Variants in KCTD20 observed in about 807,000 individuals in gnomAD.
KCTD20 encodes the protein potassium channel tetramerization domain containing 20.
Under a neutral mutation model 39.6 loss-of-function variants are expected in KCTD20, and 30 were observed. That is an observed-to-expected ratio of 0.76 (90% CI 0.57 to 1.03). The LOEUF (loss-of-function observed/expected upper bound fraction) is 1.03. Among genes scored for constraint, KCTD20 ranks in the 50% least tolerant of loss-of-function variants. The probability of loss-of-function intolerance (pLI) is 0.00; values close to 1 mark genes in which losing one functional copy is unlikely to be tolerated. For missense variants in KCTD20, 422 were observed against 522.0 expected, an observed-to-expected ratio of 0.81 and a Z score of 1.87; for synonymous variants, 162 against 180.6, an observed-to-expected ratio of 0.90 and a Z score of 0.83.
intron 1 of KCTD20, among the ~76,000 whole-genome samples, chr6:36,457,275 C>T (rs1223871255): frequency 6.6e-6 from 1 of 152,180 alleles, no homozygotes; most frequent in East Asian, 1.9e-4. Context: ...TCCTTTAAAT[C>T]ACTTATCTGA....
intron 1 of KCTD20, among the ~76,000 whole-genome samples, chr6:36,445,681 A>G (rs905821901): frequency 3.9e-5 from 6 of 152,322 alleles, no homozygotes; most frequent in East Asian, 1.9e-4. Flanking sequence ...ATCAAATGCA[A>G]TCCTCTCAGA....
intron 7 of KCTD20, among the ~76,000 whole-genome samples, chr6:36,485,199 C>T (rs1435558758): frequency 1.3e-5 from 2 of 151,818 alleles, no homozygotes; most frequent in African/African-American, 4.8e-5. Flanking sequence ...AGCTTGGGGA[C>T]TCAAAATTAA....
intron 1 of KCTD20, among the ~76,000 whole-genome samples, chr6:36,448,524 C>T (rs1315323236): frequency 1.3e-5 from 2 of 152,086 alleles, no homozygotes; most frequent in Non-Finnish European, 2.9e-5. Context: ...GCAGTTGTAT[C>T]TGTGTATTGG....
chr6:36,456,156 G>A (rs2127433696), intron 1 of KCTD20, among the ~76,000 whole-genome samples: 1 of 152,212 alleles, frequency 6.6e-6, no homozygotes, highest in Admixed American at 6.5e-5. Flanking sequence ...AAATCCCAGT[G>A]TTCTAGAAAA....
chr6:36,444,243 A>G (rs934914983), intron 1 of KCTD20, among the ~76,000 whole-genome samples: 8 of 152,180 alleles, frequency 5.3e-5, no homozygotes, highest in African/African-American at 1.7e-4. Flanking sequence ...GTTGACAGAC[A>G]CCACCTTTAG....
At chr6:36,464,726 C>T (rs1488178778) in intron 1 of KCTD20, among the ~76,000 whole-genome samples, 3 of 152,140 alleles carry the variant, frequency 2.0e-5, no homozygotes, top group Non-Finnish European at 2.9e-5. Context: ...GCAGAGTTCT[C>T]ATTAGCATGC....
chr6:36,453,546 C>T (rs1222699695), intron 1 of KCTD20, among the ~76,000 whole-genome samples: 2 of 141,346 alleles, frequency 1.4e-5, no homozygotes, highest in East Asian at 4.1e-4. Context: ...CGGAGTTTTG[C>T]TCTTGTTGCC....
chr6:36,473,772 C>CA (rs909149707), intron 2 of KCTD20, among the ~76,000 whole-genome samples: 13 of 148,804 alleles, frequency 8.7e-5, no homozygotes, highest in African/African-American at 2.2e-4. Flanking sequence ...GACTCTATCT[C>CA]AAAAAAAATA....
At chr6:36,468,612 CT>C (rs1301802636) in intron 1 of KCTD20, among the ~76,000 whole-genome samples, 3 of 152,194 alleles carry the variant, frequency 2.0e-5, no homozygotes, top group African/African-American at 7.2e-5. Context: ...ATTTTGACAT[CT>C]GAGCCACACT....
At position 36,464,304 on chromosome 6, in the gene KCTD20, A is replaced by G. The variant is rs1438618738; in HGVS notation, c.-46-5748A>G. 2.0e-5 allele frequency among the ~76,000 whole-genome samples: 3 copies of G among 152,190 alleles called. No homozygotes were observed. In the East Asian group the frequency reaches 5.8e-4, roughly 29 times the overall value. On this transcript the variant is annotated intron_variant, in intron 1 of 7. Coordinates refer to ENST00000373731, the MANE Select transcript of KCTD20 (RefSeq NM_173562.5). ...AACCAGTATTAAATTTGAACTGAAA[A>G]CATCAGTATAAACTCTATTTATGAA...
chr6:36,461,912 C>T (rs1435226919), intron 1 of KCTD20, among the ~76,000 whole-genome samples: 2 of 152,142 alleles, frequency 1.3e-5, no homozygotes, highest in African/African-American at 4.8e-5. Flanking sequence ...CAGAGGAGTA[C>T]GAGCTTTCCT....
intron 1 of KCTD20, among the ~76,000 whole-genome samples, chr6:36,457,067 G>A (rs930533376): frequency 2.6e-5 from 4 of 152,062 alleles, no homozygotes; most frequent in Admixed American, 2.0e-4. Context: ...CAAAGTGCTC[G>A]GATTACAGGT....
In KCTD20 at chr6:36,487,079, C is replaced by T. The variant is rs1413780917; in HGVS notation, c.1164C>T (p.Asp388=). 4 of 1,613,974 alleles carry T rather than the reference C, an allele frequency of 2.5e-6. No individual in the cohort carries two copies. In the African/African-American group the frequency reaches 5.3e-5, roughly 22 times the overall value. ...LVAAGDDVLE[D]QEILMHHPPQ... ...CTGCTGGAGATGATGTCTTGGAGGA[C>T]CAGGAGATATTAATGCATCACCCAC... The change falls in exon 8 of 8, where the codon GAC becomes GAT. Residue 388 remains aspartate (D), a synonymous_variant. Transcript: ENST00000373731.
At position 36,479,564 on chromosome 6, in the gene KCTD20, C is replaced by T. The variant is rs199644712; in HGVS notation, c.538-27C>T. The T allele has an allele frequency of 7.5e-6, 12 of 1,590,958 alleles. No individual in the cohort carries two copies. In the East Asian group the frequency reaches 2.0e-4, roughly 27 times the overall value. Reference sequence around the variant, plus strand: ...AATTTTTCATCTTGTTCTCTGCCTACATTTTTTCTTCCTAATCTATTTACA... The same window carrying T: ...AATTTTTCATCTTGTTCTCTGCCTATATTTTTTCTTCCTAATCTATTTACA... On this transcript the variant is annotated intron_variant, in intron 4 of 7. Coordinates refer to ENST00000373731, the MANE Select transcript of KCTD20 (RefSeq NM_173562.5).
At chr6:36,445,598 T>C (rs1481524310) in intron 1 of KCTD20, among the ~76,000 whole-genome samples, 2 of 152,192 alleles carry the variant, frequency 1.3e-5, no homozygotes. Context: ...GAATACCACA[T>C]GATTTTTAGT....
intron 1 of KCTD20, among the ~76,000 whole-genome samples, chr6:36,444,692 A>T (rs989937375): frequency 6.6e-6 from 1 of 152,204 alleles, no homozygotes; most frequent in Non-Finnish European, 1.5e-5. Flanking sequence ...TACCTGCGTA[A>T]TGCCTATTTT....
Position 36,488,826 on chromosome 6 carries a change from C to T in KCTD20, c.*1651C>T, listed in dbSNP as rs41272168. On this transcript the variant is annotated 3_prime_UTR_variant, in exon 8 of 8. Transcript: ENST00000373731. ...TTCCAGGGCTGAAAAAGTGTTCTTA[C>T]GTTCTCTGCATGTGACTAGCATCAC... 8 of 152,630 alleles carry T rather than the reference C, an allele frequency of 5.2e-5. No individual in the cohort carries two copies. Among genetic ancestry groups the T allele is most frequent in the African/African-American group, 1.7e-4 (7 of 41,448 alleles). 9.5% of individuals were successfully genotyped at this position (152,630 alleles called of 1,614,324 possible).
At chr6:36,480,410 CTTTTTT>C (rs550520667) in intron 5 of KCTD20, among the ~76,000 whole-genome samples, 3 of 121,802 alleles carry the variant, frequency 2.5e-5, no homozygotes, top group Non-Finnish European at 3.4e-5. Flanking sequence ...ATGATATTGC[CTTTTTT>C]TTTTTTTTTT....
rs146829680 is a variant in KCTD20, at chr6:36,490,261, G to T, written c.*3086G>T. On this transcript the variant is annotated 3_prime_UTR_variant, in exon 8 of 8. Coordinates refer to ENST00000373731, the MANE Select transcript of KCTD20 (RefSeq NM_173562.5). ...AAAAAGCAAGGGTTTTTGGCCAGGC[G>T]TGGTGGCTCACGCCTGTAATCCCAG... 1 of 152,222 alleles carries T rather than the reference G, an allele frequency of 6.6e-6. No individual in the cohort carries two copies. The highest frequency in any genetic ancestry group is 1.5e-5 in the Non-Finnish European group (1 of 68,062). 9.4% of individuals were successfully genotyped at this position (152,222 alleles called of 1,614,324 possible). A position where few individuals can be genotyped will look rare whatever the true frequency, so the allele number is the denominator to read the frequency against.
Sources: allele counts gnomAD v4.1 joint callset (sites outside exome capture counted in the v4.1 genomes callset), GRCh38; gene constraint gnomAD v4.1.1; transcripts MANE v1.5; gene names NCBI Gene and HGNC (gene_info 2026-07-23, HGNC 2026-07-21).